The following AGTPBP1 variants were observed in gnomAD, a reference collection of about 807,000 sequenced individuals.
AGTPBP1 encodes ATP/GTP binding carboxypeptidase 1, also known as cytosolic carboxypeptidase 1.
In AGTPBP1, 70 loss-of-function variants were observed where a neutral mutation model predicts 143.9. The ratio of observed to expected loss-of-function variants is 0.49; its 90% confidence interval spans 0.40 to 0.59. AGTPBP1 has a LOEUF of 0.59. Among genes scored for constraint, AGTPBP1 ranks in the 20% least tolerant of loss-of-function variants. The pLI is 0.00. For missense variants in AGTPBP1, 1,229 were observed against 1,464.5 expected, an observed-to-expected ratio of 0.84 and a Z score of 2.62; for synonymous variants, 463 against 500.2, an observed-to-expected ratio of 0.93 and a Z score of 0.99.
chr9:85,673,945 C>T (rs1036707932), intron 6 of AGTPBP1, among the ~76,000 whole-genome samples: 1 of 150,838 alleles, frequency 6.6e-6, no homozygotes, highest in African/African-American at 2.4e-5. Flanking sequence ...ATGGTGAAAC[C>T]CCGTCTCTAT....
intron 18 of AGTPBP1, among the ~76,000 whole-genome samples, chr9:85,595,816 C>T (rs1829264902): frequency 6.6e-6 from 1 of 152,142 alleles, no homozygotes. Context: ...CATGAGCCAC[C>T]ACACCCAGCC....
At position 85,578,923 on chromosome 9, in the gene AGTPBP1, G is replaced by A. The variant is rs1282611873; in HGVS notation, c.3339C>T (p.Tyr1113=). The A allele has an allele frequency of 1.2e-6, 2 of 1,612,148 alleles. No individual in the cohort carries two copies. The highest frequency in any genetic ancestry group is 2.7e-5 in the African/African-American group (2 of 74,802). ...TAGAAAACCTAAGATGTTTTACCTT[G>A]TATTTTCCCTGATCACAGCCACATA... ...STLCGCDQGK[Y]KGLQIGTREL... is the part of the protein sequence containing the mutation. The change falls in exon 24 of 26, where the codon TAC becomes TAT. Residue 1113 remains tyrosine (Y), a synonymous_variant. Transcript: ENST00000357081.
intron 2 of AGTPBP1, among the ~76,000 whole-genome samples, chr9:85,697,833 T>C (rs1228450780): frequency 1.3e-5 from 2 of 152,282 alleles, no homozygotes; most frequent in East Asian, 3.9e-4. Flanking sequence ...TAACTTATAA[T>C]AGAAAAAGGT....
At chr9:85,619,341 G>A (rs1376075148) in intron 15 of AGTPBP1, 40 bp from the exon 16 acceptor site, 1 of 1,391,112 alleles carries the variant, frequency 7.2e-7, no homozygotes, top group African/African-American at 1.5e-5. Flanking sequence ...AAAATACATT[G>A]CATTTAAACA....
chr9:85,646,139 C>T (rs1832793233), intron 12 of AGTPBP1, among the ~76,000 whole-genome samples, 182 bp downstream of exon 12: 1 of 152,040 alleles, frequency 6.6e-6, no homozygotes, highest in African/African-American at 2.4e-5. Flanking sequence ...CTTTAAGGTC[C>T]TTTTCAGACC....
At chr9:85,759,945 C>T in the AGTPBP1 span, among the ~76,000 whole-genome samples, 1 of 151,750 alleles carries the variant, frequency 6.6e-6, no homozygotes, top group Non-Finnish European at 1.5e-5. Context: ...ATATCACCAC[C>T]GATCCCACAG....
chr9:85,654,549 A>T (rs1833372688), intron 11 of AGTPBP1, among the ~76,000 whole-genome samples: 1 of 152,156 alleles, frequency 6.6e-6, no homozygotes. Flanking sequence ...CTTTAAAAAC[A>T]TACATAAGTT....
chr9:85,562,344 T>C (rs1467599575), intron 25 of AGTPBP1, among the ~76,000 whole-genome samples: 1 of 152,114 alleles, frequency 6.6e-6, no homozygotes, highest in Non-Finnish European at 1.5e-5. Context: ...AATGCTCTGA[T>C]AAAGAATAAC....
At chr9:85,741,544 G>C in intron 1 of AGTPBP1, 1 of 985,408 alleles carries the variant, frequency 1.0e-6, no homozygotes, top group Non-Finnish European at 1.2e-6. Flanking sequence ...TGGGGAAGGC[G>C]TTTTCCAGAC....
At chr9:85,565,069 A>G (rs541447038) in intron 25 of AGTPBP1, among the ~76,000 whole-genome samples, 1 of 152,310 alleles carries the variant, frequency 6.6e-6, no homozygotes, top group South Asian at 2.1e-4. Context: ...CAATCTCCAG[A>G]ACTGTGAGAC....
intron 19 of AGTPBP1, among the ~76,000 whole-genome samples, chr9:85,590,418 T>C (rs1422733606): frequency 6.6e-6 from 1 of 152,198 alleles, no homozygotes; most frequent in East Asian, 1.9e-4. Flanking sequence ...AATGTGTATT[T>C]TTTGAAAACA....
intron 8 of AGTPBP1, among the ~76,000 whole-genome samples, chr9:85,663,630 A>AG (rs1206301472): frequency 6.6e-6 from 1 of 151,416 alleles, no homozygotes; most frequent in Admixed American, 6.6e-5. Flanking sequence ...AAAAAAAAAA[A>AG]CAATTGAAAC....
At position 85,591,954 on chromosome 9, in the gene AGTPBP1, T is replaced by C. The variant is rs551353120; in HGVS notation, c.2568+606A>G. ...ACTTTGTTTGTTTAGTTTTGGTTTT[T>C]AGTTTCATTTTGCTATATTCAAAAT... On this transcript the variant is annotated intron_variant, in intron 19 of 25. Coordinates refer to ENST00000357081, the MANE Select transcript of AGTPBP1 (RefSeq NM_001330701.2). 5.9e-5 allele frequency among the ~76,000 whole-genome samples: 9 copies of C among 152,274 alleles called. No homozygotes were observed. The East Asian group carries it at 1.5e-3, about 26-fold the overall frequency.
At chr9:85,588,127 T>C (rs1828730176) in intron 21 of AGTPBP1, among the ~76,000 whole-genome samples, 171 bp downstream of exon 21, 2 of 152,004 alleles carry the variant, frequency 1.3e-5, no homozygotes, top group African/African-American at 2.4e-5. Context: ...ATATCGCTAA[T>C]AGTATCCAAA....
At chr9:85,564,628 G>A (rs1387468153) in intron 25 of AGTPBP1, among the ~76,000 whole-genome samples, 2 of 152,086 alleles carry the variant, frequency 1.3e-5, no homozygotes, top group East Asian at 1.9e-4. Context: ...TATTCCATAC[G>A]GTCACATGCT....
At chr9:85,792,032 G>C in the AGTPBP1 span, 1 of 152,130 alleles carries the variant, frequency 6.6e-6, no homozygotes, top group Non-Finnish European at 1.5e-5. Context: ...ATTGCTGTAG[G>C]CAAAATGGGA....
chr9:85,585,258 C>T (rs1223389910), intron 23 of AGTPBP1, among the ~76,000 whole-genome samples: 1 of 152,054 alleles, frequency 6.6e-6, no homozygotes, highest in African/African-American at 2.4e-5. Flanking sequence ...ACAGAGAAAA[C>T]AGAATTAGAT....
At chr9:85,648,265 T>C (rs1018171644) in intron 11 of AGTPBP1, among the ~76,000 whole-genome samples, 7 of 152,238 alleles carry the variant, frequency 4.6e-5, no homozygotes, top group African/African-American at 2.4e-5. Flanking sequence ...CAAATGTTTA[T>C]TACTGCTGTT....
At chr9:85,780,023 G>A in the AGTPBP1 span, among the ~76,000 whole-genome samples, 5 of 152,040 alleles carry the variant, frequency 3.3e-5, no homozygotes. Flanking sequence ...TTAATTTTAA[G>A]TATTTTTTAA....
Sources: gnomAD v4.1 joint callset for allele counts (sites outside exome capture counted in the v4.1 genomes callset) on GRCh38, gnomAD v4.1.1 for gene constraint, MANE v1.5 for transcripts, NCBI Gene and HGNC (gene_info 2026-07-23, HGNC 2026-07-21) for gene names.